Variants in SETD1A observed in about 807,000 individuals in gnomAD.
SETD1A encodes the protein SET domain containing 1A, histone lysine methyltransferase.
A neutral mutation model predicts 149.9 loss-of-function variants in SETD1A; 29 were observed. That is an observed-to-expected ratio of 0.19 (90% CI 0.14 to 0.26). SETD1A has a LOEUF of 0.26. SETD1A is among the 10% of genes least tolerant of loss of function. SETD1A has a pLI of 1.00. For synonymous variants in SETD1A, 1,141 were observed against 968.5 expected (o/e 1.18, Z -3.31); for missense variants, 2,109 against 2,353.1 (o/e 0.90, Z 2.15).
Position 30,983,598 on chromosome 16 carries a change from G to A in SETD1A, c.4813-37G>A, listed in dbSNP as rs751690839. ...AGGCGTGCTCAGGGGCAGGAAGTGGGGGACTCTTCCCTGACCATCGCATCT... is the reference window on the plus strand; with the variant it reads ...AGGCGTGCTCAGGGGCAGGAAGTGGAGGACTCTTCCCTGACCATCGCATCT... On this transcript the variant is annotated intron_variant, in intron 17 of 18. Transcript: ENST00000262519. The surrounding 1 kb of genome is among the most constrained non-coding windows in gnomAD (Gnocchi z 6.8). 1.3e-6 allele frequency: 2 copies of A among 1,598,240 alleles called. No individual in the cohort carries two copies. Among genetic ancestry groups the A allele is most frequent in the Non-Finnish European group, 1.7e-6 (2 of 1,174,278 alleles).
At position 30,984,115 on chromosome 16, in the gene SETD1A, C is replaced by T; in HGVS notation, c.*92C>T. 8.5e-7 allele frequency: 1 copy of T among 1,175,530 alleles called. No homozygotes were observed. Among genetic ancestry groups the T allele is most frequent in the Non-Finnish European group, 1.2e-6 (1 of 854,840 alleles). 72.8% of individuals were successfully genotyped at this position (1,175,530 alleles called of 1,614,324 possible). A position where few individuals can be genotyped will look rare whatever the true frequency, so the allele number is the denominator to read the frequency against. ...CCCAGCCTTAGTGGGCTCAGCAGGG[C>T]CCACATGCCCCCATCTCCAAGCGTG... On this transcript the variant is annotated 3_prime_UTR_variant, in exon 19 of 19. Transcript: ENST00000262519.
At chr16:30,969,964 G>T (rs529907575) in intron 12 of SETD1A, among the ~76,000 whole-genome samples, 142 of 149,322 alleles carry the variant, frequency 9.5e-4, no homozygotes, top group African/African-American at 3.1e-3. Context: ...TTTGTTTTTT[G>T]TTGTTGTTGT....
At chr16:30,978,562 G>T (rs2056316727) in intron 13 of SETD1A, among the ~76,000 whole-genome samples, 1 of 152,234 alleles carries the variant, frequency 6.6e-6, no homozygotes, top group South Asian at 2.1e-4. Context: ...GCTGTCTCCT[G>T]CCCCTCCCTG....
chr16:30,967,470 A>C, intron 9 of SETD1A, 31 bp from the exon 10 acceptor site: 1 of 1,604,914 alleles, frequency 6.2e-7, no homozygotes, highest in Non-Finnish European at 8.5e-7. Context: ...TTTGAGCTCT[A>C]AACAGGCCCC....
At chr16:30,975,617 G>A (rs2056276002) in intron 13 of SETD1A, among the ~76,000 whole-genome samples, 1 of 151,792 alleles carries the variant, frequency 6.6e-6, no homozygotes, top group African/African-American at 2.4e-5. Context: ...TTTTAGTTGA[G>A]ACAGGGTCTC....
At chr16:30,972,649 A>G (rs1567358677) in intron 13 of SETD1A, among the ~76,000 whole-genome samples, 2 of 151,490 alleles carry the variant, frequency 1.3e-5, no homozygotes. Context: ...AAAAAAAAAA[A>G]AAAAGACCAG....
chr16:30,981,063 C>A lies in SETD1A; in HGVS notation c.4695C>A (p.Phe1565Leu). The A allele has an allele frequency of 6.2e-7, 1 of 1,614,132 alleles. No homozygotes were observed. Among genetic ancestry groups the A allele is most frequent in the Non-Finnish European group, 8.5e-7 (1 of 1,179,986 alleles). ...SDLLKLNQLK[F>L]RKKKLRFGRS... ...TGAGTCTCCCTTCTGCCCCCCAGTT[C>A]CGGAAGAAGAAGCTCCGATTTGGCC... Residue 1565 changes from phenylalanine to leucine, a missense_variant and splice_region_variant, in exon 17 of 19, where the codon TTC (phenylalanine) becomes TTA (leucine). Around this residue, in one of 8 missense-constraint regions of SETD1A, gnomAD observed 254 missense variants for 409.3 expected, o/e 0.62. Transcript: ENST00000262519.
chr16:30,964,355 C>T (rs201848774), intron 6 of SETD1A, 32 bp downstream of exon 6: 95 of 1,558,480 alleles, frequency 6.1e-5, no homozygotes, highest in South Asian at 1.2e-4. Flanking sequence ...GGGCCCCGCC[C>T]GCAAAGTCTG....
In SETD1A at chr16:30,965,838, C is replaced by T; in HGVS notation, c.1957C>T (p.Pro653Ser). The change falls in exon 8 of 19, where the codon CCC becomes TCC. Residue 653 changes from proline (P) to serine (S), a missense_variant. By Grantham distance (74) the Pro-to-Ser change is moderately conservative. This residue lies in a region of SETD1A where 431 missense variants were observed against 388.6 expected (regional missense o/e 1.11). Coordinates refer to ENST00000262519, the MANE Select transcript of SETD1A (RefSeq NM_014712.3). ...TGAGTACCCCCCACCTCCTCCACCA[C>T]CCCCGCACATCTATGACTTTGTGAA... ...PPEYPPPPPP[P>S]PHIYDFVNSL... 6.2e-7 allele frequency: 1 copy of T among 1,608,224 alleles called. No homozygotes were observed. The highest frequency in any genetic ancestry group is 8.5e-7 in the Non-Finnish European group (1 of 1,176,502).
At chr16:30,960,002 A>G (rs192339103) in intron 3 of SETD1A, among the ~76,000 whole-genome samples, 79 of 152,224 alleles carry the variant, frequency 5.2e-4, no homozygotes, top group Middle Eastern at 3.4e-3. Context: ...TGGCAGTACC[A>G]TCGACTCAGC....
chr16:30,974,528 C>T (rs1394822965), intron 13 of SETD1A, among the ~76,000 whole-genome samples: 1 of 152,084 alleles, frequency 6.6e-6, no homozygotes. Context: ...CAGGGAGTGG[C>T]CTTGTATCAC....
intron 13 of SETD1A, among the ~76,000 whole-genome samples, chr16:30,978,044 G>C (rs1386136381): frequency 1.3e-5 from 2 of 151,628 alleles, no homozygotes; most frequent in Non-Finnish European, 3.0e-5. Flanking sequence ...GGGAGGCCGA[G>C]GCGGGCAGAT....
chr16:30,966,820 G>A, intron 8 of SETD1A, 64 bp from the exon 9 acceptor site: 2 of 1,476,722 alleles, frequency 1.4e-6, no homozygotes, highest in African/African-American at 1.4e-5. Flanking sequence ...CCGGGAGTAG[G>A]TCTCAGGCAG....
Position 30,983,613 on chromosome 16 carries a change from C to T in SETD1A, c.4813-22C>T. 6.2e-7 allele frequency: 1 copy of T among 1,607,038 alleles called. No individual in the cohort carries two copies. The highest frequency in any genetic ancestry group is 8.5e-7 in the Non-Finnish European group (1 of 1,177,972). On this transcript the variant is annotated intron_variant, in intron 17 of 18. Coordinates refer to ENST00000262519, the MANE Select transcript of SETD1A (RefSeq NM_014712.3). This position sits in a 1 kb window ranked among gnomAD's most constrained non-coding sequence, Gnocchi z 6.8. ...CAGGAAGTGGGGGACTCTTCCCTGA[C>T]CATCGCATCTCACCCTGGCAGATGG...
At chr16:30,959,304 C>T (rs2056013548) in intron 3 of SETD1A, 118 bp downstream of exon 3, 9 of 748,044 alleles carry the variant, frequency 1.2e-5, no homozygotes, top group Admixed American at 2.1e-5. Context: ...ATCTAGCAAC[C>T]TCTGAGGCTG....
rs2056410731 is a variant in SETD1A at position 30,983,526 on chromosome 16, G to A, written c.4813-109G>A. ...CGGGTTAGCGGGAGCTGGAGGCAGA[G>A]CTGCAGCTCCAGGCCTGGTGGGCGT... On this transcript the variant is annotated intron_variant, in intron 17 of 18. Coordinates refer to ENST00000262519, the MANE Select transcript of SETD1A (RefSeq NM_014712.3). The surrounding 1 kb of genome is among the most constrained non-coding windows in gnomAD (Gnocchi z 6.8). 1.5e-6 allele frequency: 2 copies of A among 1,298,756 alleles called. No individual in the cohort carries two copies. Among genetic ancestry groups the A allele is most frequent in the South Asian group, 2.8e-5 (2 of 71,078 alleles). The allele number at this position is 1,298,756 out of a possible 1,614,324, so 80.5% of individuals were successfully genotyped here. A position where few individuals can be genotyped will look rare whatever the true frequency, so the allele number is the denominator to read the frequency against.
chr16:30,973,228 A>G (rs2056246053), intron 13 of SETD1A, among the ~76,000 whole-genome samples: 1 of 152,170 alleles, frequency 6.6e-6, no homozygotes, highest in Non-Finnish European at 1.5e-5. Flanking sequence ...GAGGAATGAC[A>G]TGGTCAGATG....
rs2056343078 is a variant in SETD1A, at chr16:30,979,860, GGAGGAGGGCGAA to G, written c.4083_4094del (p.Gly1369_Glu1372del). The G allele has an allele frequency of 1.9e-6, 3 of 1,540,380 alleles. No individual in the cohort carries two copies. Among genetic ancestry groups the G allele is most frequent in the Non-Finnish European group, 2.6e-6 (3 of 1,148,968 alleles). Reference sequence around the variant, plus strand: ...AGCCGCAGCAACTGCAGCAGCAGCGGGAGGAGGGCGAAGAGGAGGGGGAGGAAGAGGGGGAGG... The same window carrying G: ...AGCCGCAGCAACTGCAGCAGCAGCGGGAGGAGGGGGAGGAAGAGGGGGAGG... On this transcript the variant is annotated inframe_deletion, in exon 14 of 19. Coordinates refer to ENST00000262519, the MANE Select transcript of SETD1A (RefSeq NM_014712.3).
chr16:30,969,483 T>C, intron 11 of SETD1A, 21 bp downstream of exon 11: 1 of 1,601,210 alleles, frequency 6.2e-7, no homozygotes, highest in African/African-American at 1.3e-5. Context: ...GGGCGCCGGC[T>C]CCTGGCCGAA....
Sources: allele counts gnomAD v4.1 joint callset (sites outside exome capture counted in the v4.1 genomes callset), GRCh38; gene constraint gnomAD v4.1.1; regional missense constraint gnomAD v4.1.1; non-coding constraint Gnocchi (gnomAD v3.1); transcripts MANE v1.5; gene names NCBI Gene and HGNC (gene_info 2026-07-23, HGNC 2026-07-21).